Variants in MYPN observed in about 807,000 individuals in gnomAD.
MYPN encodes sarcomeric protein myopalladin, 145 kDa (MYOP).
In MYPN, 63 loss-of-function variants were observed where a neutral mutation model predicts 129.4. The observed-to-expected ratio is 0.49, with a 90% confidence interval of 0.40 to 0.60. The LOEUF is 0.60. MYPN is among the 20% of genes least tolerant of loss of function. MYPN has a pLI of 0.00. For synonymous variants in MYPN, 629 were observed against 600.9 expected, an observed-to-expected ratio of 1.05 and a Z score of -0.68; for missense variants, 1,596 against 1,635.4, an observed-to-expected ratio of 0.98 and a Z score of 0.42.
intron 1 of MYPN, among the ~76,000 whole-genome samples, chr10:68,119,385 T>TTTA (rs1554838894): frequency 2.1e-5 from 3 of 144,700 alleles, no homozygotes; most frequent in Non-Finnish European, 4.5e-5. Flanking sequence ...TTGCATTTTA[T>TTTA]TTTATTTATT....
At chr10:68,151,111 A>T (rs765294018) in intron 6 of MYPN, among the ~76,000 whole-genome samples, 2 of 152,166 alleles carry the variant, frequency 1.3e-5, no homozygotes, top group Non-Finnish European at 2.9e-5. Context: ...TCAAAATGTC[A>T]ACAGTGTTGA....
intron 10 of MYPN, among the ~76,000 whole-genome samples, chr10:68,172,009 C>A (rs761739541): frequency 6.6e-6 from 1 of 152,176 alleles, no homozygotes; most frequent in Non-Finnish European, 1.5e-5. Flanking sequence ...TTAATAATTT[C>A]TTTTATATTC....
intron 2 of MYPN, among the ~76,000 whole-genome samples, chr10:68,137,922 C>T (rs572521877): frequency 1.3e-5 from 2 of 152,274 alleles, no homozygotes; most frequent in South Asian, 2.1e-4. Context: ...GTAAACATCA[C>T]ACAAGTGTTC....
At chr10:68,147,372 G>A (rs1233160274) in intron 4 of MYPN, among the ~76,000 whole-genome samples, 1 of 152,148 alleles carries the variant, frequency 6.6e-6, no homozygotes, top group Non-Finnish European at 1.5e-5. Flanking sequence ...GGCCAGGCTG[G>A]TCTTGAACTC....
At chr10:68,180,019 TAG>T (rs1275092716) in intron 12 of MYPN, among the ~76,000 whole-genome samples, 1 of 152,176 alleles carries the variant, frequency 6.6e-6, no homozygotes, top group African/African-American at 2.4e-5. Context: ...TCCTTGAAGG[TAG>T]AGTCTGTGTT....
intron 10 of MYPN, 111 bp from the exon 11 acceptor site, chr10:68,173,955 C>T (rs2043183834): frequency 2.2e-6 from 2 of 926,290 alleles, no homozygotes; most frequent in Non-Finnish European, 3.5e-6. Flanking sequence ...GCATGAGCCA[C>T]CATGCCCCGC....
intron 2 of MYPN, among the ~76,000 whole-genome samples, chr10:68,128,474 C>T (rs1447026897): frequency 6.6e-6 from 1 of 152,148 alleles, no homozygotes; most frequent in Non-Finnish European, 1.5e-5. Context: ...TTTCTTTCTA[C>T]TTTTTGGAAA....
chr10:68,201,006 G>A (rs2043700960), intron 17 of MYPN, among the ~76,000 whole-genome samples: 1 of 152,046 alleles, frequency 6.6e-6, no homozygotes, highest in African/African-American at 2.4e-5. Flanking sequence ...ATTTGTCCTG[G>A]CCAAATCTCT....
chr10:68,127,307 G>T (rs1225178318), intron 2 of MYPN, among the ~76,000 whole-genome samples: 1 of 150,334 alleles, frequency 6.7e-6, no homozygotes, highest in African/African-American at 2.4e-5. Flanking sequence ...GCCCAGCCTG[G>T]GACACATATA....
At chr10:68,150,299 T>C (rs1167521989) in intron 6 of MYPN, among the ~76,000 whole-genome samples, 188 bp downstream of exon 6, 1 of 152,160 alleles carries the variant, frequency 6.6e-6, no homozygotes, top group Non-Finnish European at 1.5e-5. Context: ...ACAGTTTTAG[T>C]AATGAGAGAA....
At chr10:68,193,560 C>T (rs1197830254) in intron 13 of MYPN, among the ~76,000 whole-genome samples, 1 of 152,134 alleles carries the variant, frequency 6.6e-6, no homozygotes, top group Non-Finnish European at 1.5e-5. Flanking sequence ...AAAATCACAT[C>T]AGTCAGCAGA....
intron 6 of MYPN, among the ~76,000 whole-genome samples, chr10:68,155,856 G>C (rs2042864106): frequency 6.6e-6 from 1 of 152,148 alleles, no homozygotes; most frequent in African/African-American, 2.4e-5. Context: ...TGCCACACTG[G>C]AATGAGCTTC....
At chr10:68,128,852 G>T (rs1225005247) in intron 2 of MYPN, among the ~76,000 whole-genome samples, 7 of 152,106 alleles carry the variant, frequency 4.6e-5, no homozygotes, top group Non-Finnish European at 1.5e-5. Flanking sequence ...AAAATTTGAA[G>T]CCCTTGATGC....
chr10:68,199,503 G>T lies in MYPN; in HGVS notation c.3421G>T (p.Ala1141Ser). The change falls in exon 17 of 20, where the codon GCA (alanine) becomes TCA (serine). Residue 1141 changes from alanine (A) to serine (S), a missense_variant. By Grantham distance (99) the Ala-to-Ser change is moderately conservative. Coordinates refer to ENST00000358913, the MANE Select transcript of MYPN (RefSeq NM_032578.4). ...CATTGACCCACTCACTCAGCGCGAC[G>T]CAGGGACCTATAAGTGCATCGCTAC... ...LLIDPLTQRD[A>S]GTYKCIATNK... 6.2e-7 allele frequency: 1 copy of T among 1,614,154 alleles called. No individual in the cohort carries two copies. The highest frequency in any genetic ancestry group is 8.5e-7 in the Non-Finnish European group (1 of 1,180,020).
At chr10:68,195,026 T>G (rs538735910) in intron 14 of MYPN, among the ~76,000 whole-genome samples, 1 of 152,330 alleles carries the variant, frequency 6.6e-6, no homozygotes, top group South Asian at 2.1e-4. Flanking sequence ...CCCTAAAAGA[T>G]GTGGCAGAAT....
intron 1 of MYPN, among the ~76,000 whole-genome samples, chr10:68,121,169 G>C (rs940504938): frequency 6.6e-6 from 1 of 152,116 alleles, no homozygotes; most frequent in South Asian, 2.1e-4. Flanking sequence ...TCCCAGCTAC[G>C]TGCAAGGGTG....
At chr10:68,206,371 G>A (rs904464513) in intron 18 of MYPN, among the ~76,000 whole-genome samples, 5 of 152,156 alleles carry the variant, frequency 3.3e-5, no homozygotes, top group African/African-American at 1.2e-4. Flanking sequence ...AGGAAATGCC[G>A]TCTATGCTGC....
intron 12 of MYPN, among the ~76,000 whole-genome samples, chr10:68,183,505 A>T (rs2043372839): frequency 6.6e-6 from 1 of 152,060 alleles, no homozygotes; most frequent in African/African-American, 2.4e-5. Flanking sequence ...CATAATACAG[A>T]ATTTCAGGAA....
At chr10:68,160,274 C>A (rs10762191) in intron 7 of MYPN, among the ~76,000 whole-genome samples, 61,176 of 150,724 alleles carry the variant, frequency 0.41, 14,178 homozygotes, top group Non-Finnish European at 0.52. Flanking sequence ...ACAAAAAAAA[C>A]CAAAAACTCA....
Sources: gnomAD v4.1 joint callset for allele counts (sites outside exome capture counted in the v4.1 genomes callset) on GRCh38, gnomAD v4.1.1 for gene constraint, MANE v1.5 for transcripts, NCBI Gene and HGNC (gene_info 2026-07-23, HGNC 2026-07-21) for gene names.